The following BNC2 variants were observed in gnomAD, a reference collection of about 807,000 sequenced individuals.
BNC2 encodes basonuclin zinc finger protein 2.
BNC2 carries 20 observed loss-of-function variants against 76.3 expected under a neutral mutation model. That is an observed-to-expected ratio of 0.26 (90% CI 0.18 to 0.38). The LOEUF (loss-of-function observed/expected upper bound fraction) is 0.38, where lower values mean the gene tolerates loss of function less well. Ranked by LOEUF, BNC2 falls within the 10% of genes least tolerant of loss-of-function variation. The pLI, the probability that BNC2 is intolerant of heterozygous loss-of-function variation, is 1.00. For synonymous variants in BNC2, 582 were observed against 514.8 expected, an observed-to-expected ratio of 1.13 and a Z score of -1.77; for missense variants, 1,382 against 1,399.8, an observed-to-expected ratio of 0.99 and a Z score of 0.20.
At chr9:16,756,703 A>T (rs1469154054) in intron 1 of BNC2, among the ~76,000 whole-genome samples, 1 of 152,136 alleles carries the variant, frequency 6.6e-6, no homozygotes, top group Non-Finnish European at 1.5e-5. Flanking sequence ...CTTAAACTAG[A>T]CCTAGGCTGG....
chr9:16,589,036 G>A (rs1032175784), intron 3 of BNC2, among the ~76,000 whole-genome samples: 4 of 152,114 alleles, frequency 2.6e-5, no homozygotes, highest in Non-Finnish European at 5.9e-5. Flanking sequence ...TATTCTGAAC[G>A]ACTAATCATA....
At chr9:16,654,601 G>C (rs1275513974) in intron 3 of BNC2, among the ~76,000 whole-genome samples, 1 of 152,060 alleles carries the variant, frequency 6.6e-6, no homozygotes, top group East Asian at 1.9e-4. Context: ...TGTTTTGTCT[G>C]AGTTAATTTG....
At chr9:16,818,255 T>C (rs1242956193) in intron 1 of BNC2, among the ~76,000 whole-genome samples, 2 of 152,152 alleles carry the variant, frequency 1.3e-5, no homozygotes, top group South Asian at 4.2e-4. Context: ...ATACAAAAAA[T>C]TAGCCGGGCG....
At chr9:16,745,063 G>A (rs1446395703) in intron 1 of BNC2, among the ~76,000 whole-genome samples, 1 of 152,140 alleles carries the variant, frequency 6.6e-6, no homozygotes, top group Non-Finnish European at 1.5e-5. Context: ...TTTACTAATT[G>A]TGTGATCTTG....
At position 16,685,853 on chromosome 9, in the gene BNC2, T is replaced by C. The variant is rs76746644; in HGVS notation, c.330+41944A>G. ...AAATTCCAAGAAGAAAAAAGCAACA[T>C]AAATTTTGTTCCTCCTTGTATTCAC... On this transcript the variant is annotated intron_variant, in intron 3 of 6. Transcript: ENST00000380672. Among the ~76,000 whole-genome samples the C allele has an allele frequency of 2.8e-3, 423 of 152,234 alleles. 1 individual carries two copies. The highest frequency in any genetic ancestry group is 9.6e-3 in the African/African-American group (398 of 41,520).
chr9:16,846,846 T>C (rs1321380879), intron 1 of BNC2, among the ~76,000 whole-genome samples: 1 of 152,218 alleles, frequency 6.6e-6, no homozygotes, highest in Non-Finnish European at 1.5e-5. Flanking sequence ...CTATAAAATT[T>C]TGCTATCACA....
At chr9:16,599,860 A>G (rs568765023) in intron 3 of BNC2, among the ~76,000 whole-genome samples, 39 of 152,234 alleles carry the variant, frequency 2.6e-4, no homozygotes, top group Non-Finnish European at 5.1e-4. Context: ...ATAACAGCGC[A>G]TGCCCATGTG....
At chr9:16,615,690 T>G (rs1181000072) in intron 3 of BNC2, among the ~76,000 whole-genome samples, 1 of 152,186 alleles carries the variant, frequency 6.6e-6, no homozygotes, top group African/African-American at 2.4e-5. Context: ...GAAGGAAATG[T>G]GTCACATAAA....
At chr9:16,834,805 T>G (rs566687508) in intron 1 of BNC2, among the ~76,000 whole-genome samples, 1 of 152,298 alleles carries the variant, frequency 6.6e-6, no homozygotes, top group South Asian at 2.1e-4. Context: ...ATAAATGGAT[T>G]AAGAGATAGT....
chr9:16,462,643 C>T (rs1295443398), intron 5 of BNC2, among the ~76,000 whole-genome samples: 1 of 152,202 alleles, frequency 6.6e-6, no homozygotes, highest in African/African-American at 2.4e-5. Context: ...CAAGTTTCTT[C>T]CAGCTACATC....
intron 4 of BNC2, among the ~76,000 whole-genome samples, chr9:16,564,174 C>G (rs1259043838): frequency 6.6e-6 from 1 of 152,142 alleles, no homozygotes; most frequent in Non-Finnish European, 1.5e-5. Flanking sequence ...AAGACAGAGT[C>G]TCTAGGGCCA....
intron 1 of BNC2, among the ~76,000 whole-genome samples, chr9:16,806,233 T>C (rs1270487718): frequency 6.6e-6 from 1 of 152,182 alleles, no homozygotes; most frequent in Admixed American, 6.5e-5. Flanking sequence ...CCCAGCGTTC[T>C]GGGAGGCAAA....
chr9:16,461,308 G>A (rs1358174302), intron 5 of BNC2, among the ~76,000 whole-genome samples: 8 of 152,176 alleles, frequency 5.3e-5, no homozygotes, highest in Admixed American at 2.0e-4. Flanking sequence ...GAAACCAGGC[G>A]CTTCCATGTT....
intron 5 of BNC2, among the ~76,000 whole-genome samples, chr9:16,492,314 T>G (rs1822295294): frequency 6.6e-6 from 1 of 152,200 alleles, no homozygotes; most frequent in South Asian, 2.1e-4. Flanking sequence ...ATCACAGTTG[T>G]GGTATATGTA....
At chr9:16,638,675 T>TAGAC (rs1280481118) in intron 3 of BNC2, among the ~76,000 whole-genome samples, 6 of 152,124 alleles carry the variant, frequency 3.9e-5, no homozygotes, top group African/African-American at 1.4e-4. Flanking sequence ...GTCCTAGAGA[T>TAGAC]AGACAACCTT....
intron 3 of BNC2, among the ~76,000 whole-genome samples, chr9:16,694,443 T>C (rs1470071767): frequency 6.6e-6 from 1 of 152,152 alleles, no homozygotes; most frequent in Non-Finnish European, 1.5e-5. Context: ...GCACAGTGGT[T>C]GGCTAGAGAT....
intron 1 of BNC2, among the ~76,000 whole-genome samples, chr9:16,849,624 G>C (rs1361619720): frequency 1.3e-5 from 2 of 152,076 alleles, no homozygotes; most frequent in Non-Finnish European, 2.9e-5. Context: ...CTCCCAAAGT[G>C]CTGGGACTAT....
At chr9:16,686,754 G>A (rs1360932523) in intron 3 of BNC2, among the ~76,000 whole-genome samples, 2 of 152,060 alleles carry the variant, frequency 1.3e-5, no homozygotes, top group Non-Finnish European at 2.9e-5. Context: ...CTTAAACAAC[G>A]TTCAGTATAC....
At chr9:16,540,010 C>T (rs1169136481) in intron 5 of BNC2, among the ~76,000 whole-genome samples, 1 of 152,048 alleles carries the variant, frequency 6.6e-6, no homozygotes, top group Non-Finnish European at 1.5e-5. Flanking sequence ...AACTTCTATT[C>T]ACCACCTGTA....
Sources: allele counts gnomAD v4.1 joint callset (sites outside exome capture counted in the v4.1 genomes callset), GRCh38; gene constraint gnomAD v4.1.1; transcripts MANE v1.5; gene names NCBI Gene and HGNC (gene_info 2026-07-23, HGNC 2026-07-21).